The following EEIG1 variants were observed in gnomAD, a reference collection of about 807,000 sequenced individuals.
The protein encoded by EEIG1 is estrogen-induced osteoclastogenesis regulator 1, also known as early estrogen-induced gene 1 protein.
chr9:127,944,883 C>A, the EEIG1 span: 6 of 1,612,032 alleles, frequency 3.7e-6, no homozygotes, highest in African/African-American at 4.0e-5. Context: ...GGCTCTCCAC[C>A]GAGTCCTTCT....
the EEIG1 span, among the ~76,000 whole-genome samples, chr9:127,961,923 G>C: frequency 4.1e-3 from 628 of 152,352 alleles, 2 homozygotes; most frequent in South Asian, 0.013. Flanking sequence ...AGACTGGAGA[G>C]GCAGCCTTGG....
the EEIG1 span, chr9:127,980,234 A>G: frequency 2.2e-6 from 3 of 1,352,758 alleles, no homozygotes; most frequent in Non-Finnish European, 3.0e-6. Flanking sequence ...AAAACACCAG[A>G]GCCGGATCCC....
At chr9:127,972,938 T>C in the EEIG1 span, among the ~76,000 whole-genome samples, 1 of 152,092 alleles carries the variant, frequency 6.6e-6, no homozygotes, top group Non-Finnish European at 1.5e-5. This position sits in a 1 kb window ranked among gnomAD's most constrained non-coding sequence, Gnocchi z 4.3. Context: ...GACCTCATAG[T>C]GGGTGGCTGA....
chr9:127,949,863 G>A, the EEIG1 span, among the ~76,000 whole-genome samples: 7 of 152,330 alleles, frequency 4.6e-5, no homozygotes, highest in African/African-American at 1.4e-4. Context: ...GCCTGGGGGT[G>A]GGGCTGCCCT....
At chr9:127,979,208 G>C in the EEIG1 span, among the ~76,000 whole-genome samples, 5 of 152,174 alleles carry the variant, frequency 3.3e-5, no homozygotes, top group Non-Finnish European at 7.3e-5. Flanking sequence ...CTTTCCAGAA[G>C]AGGAGGCCCA....
chr9:127,967,681 C>T, the EEIG1 span, among the ~76,000 whole-genome samples: 4 of 152,200 alleles, frequency 2.6e-5, no homozygotes, highest in African/African-American at 9.7e-5. Context: ...GCAGGCCTGC[C>T]CACAAGGCAT....
At chr9:127,976,787 C>A in the EEIG1 span, among the ~76,000 whole-genome samples, 1 of 151,868 alleles carries the variant, frequency 6.6e-6, no homozygotes, top group Non-Finnish European at 1.5e-5. The surrounding 1 kb of genome is among the most constrained non-coding windows in gnomAD (Gnocchi z 4.1). Flanking sequence ...GGGCCTTGGG[C>A]CTGCTTCACT....
At chr9:127,964,343 T>G in the EEIG1 span, among the ~76,000 whole-genome samples, 6 of 152,180 alleles carry the variant, frequency 3.9e-5, no homozygotes, top group Non-Finnish European at 1.5e-5. Context: ...CCCAGCCTGA[T>G]CCAGCATTAC....
chr9:127,975,860 A>C, the EEIG1 span, among the ~76,000 whole-genome samples: 1 of 151,964 alleles, frequency 6.6e-6, no homozygotes, highest in Non-Finnish European at 1.5e-5. Flanking sequence ...GACTCACCAG[A>C]CTTGGCTAGG....
the EEIG1 span, chr9:127,948,138 C>T: frequency 6.2e-7 from 1 of 1,613,854 alleles, no homozygotes; most frequent in East Asian, 2.2e-5. Context: ...TGCTGCTGCC[C>T]CCACTGCTGG....
the EEIG1 span, among the ~76,000 whole-genome samples, chr9:127,972,976 C>G: frequency 3.3e-5 from 5 of 152,136 alleles, no homozygotes; most frequent in African/African-American, 1.2e-4. The surrounding 1 kb of genome is among the most constrained non-coding windows in gnomAD (Gnocchi z 4.3). Flanking sequence ...CTGGAGTCCC[C>G]ATAATCCAAA....
chr9:127,948,361 C>T, the EEIG1 span: 2 of 1,614,002 alleles, frequency 1.2e-6, no homozygotes. Flanking sequence ...CCTGTGCCAG[C>T]ACTCACGTCT....
the EEIG1 span, chr9:127,950,567 G>A: frequency 1.9e-6 from 3 of 1,607,252 alleles, no homozygotes; most frequent in African/African-American, 1.3e-5. Flanking sequence ...CGTGTGGGAG[G>A]GCTGAGGGAG....
the EEIG1 span, among the ~76,000 whole-genome samples, chr9:127,949,159 C>A: frequency 6.6e-6 from 1 of 151,870 alleles, no homozygotes; most frequent in Non-Finnish European, 1.5e-5. Context: ...ACTAAAAATA[C>A]AAAAATTAGC....
chr9:127,972,962 A>G, the EEIG1 span, among the ~76,000 whole-genome samples: 2 of 152,126 alleles, frequency 1.3e-5, no homozygotes, highest in African/African-American at 4.8e-5. The surrounding 1 kb of genome is among the most constrained non-coding windows in gnomAD (Gnocchi z 4.3). Flanking sequence ...GTCCCAGGGC[A>G]TATCTGGAGT....
At chr9:127,943,035 T>C in the EEIG1 span, 1 of 692,196 alleles carries the variant, frequency 1.4e-6, no homozygotes, top group Non-Finnish European at 2.6e-6. Flanking sequence ...GGAGGGGCAA[T>C]GGAATGATGC....
the EEIG1 span, among the ~76,000 whole-genome samples, chr9:127,947,282 A>C: frequency 1.3e-5 from 2 of 149,330 alleles, no homozygotes; most frequent in African/African-American, 2.4e-5. Context: ...AAAAAAAAAA[A>C]AGGTATATCT....
At chr9:127,954,305 C>T in the EEIG1 span, among the ~76,000 whole-genome samples, 1 of 152,144 alleles carries the variant, frequency 6.6e-6, no homozygotes, top group Non-Finnish European at 1.5e-5. Flanking sequence ...CTCTGCCAAC[C>T]GCCTCATGAC....
At chr9:127,964,222 G>A in the EEIG1 span, among the ~76,000 whole-genome samples, 1 of 152,348 alleles carries the variant, frequency 6.6e-6, no homozygotes, top group East Asian at 1.9e-4. Flanking sequence ...CTGTTGGGGT[G>A]ACTCTGTGGT....
Sources: allele counts gnomAD v4.1 joint callset (sites outside exome capture counted in the v4.1 genomes callset), GRCh38; gene constraint gnomAD v4.1.1; non-coding constraint Gnocchi (gnomAD v3.1); transcripts MANE v1.5; gene names NCBI Gene and HGNC (gene_info 2026-07-23, HGNC 2026-07-21).